The following DNAH11 variants were observed in gnomAD, a reference collection of about 807,000 sequenced individuals.
DNAH11 encodes dynein axonemal heavy chain 11.
A neutral mutation model predicts 526.0 loss-of-function variants in DNAH11; 442 were observed. The ratio of observed to expected loss-of-function variants is 0.84; its 90% CI spans 0.78 to 0.91. The LOEUF (loss-of-function observed/expected upper bound fraction) is 0.91. Among genes scored for constraint, DNAH11 ranks in the 40% least tolerant of loss-of-function variants. The probability of loss-of-function intolerance (pLI) is 0.00; values close to 1 mark genes in which losing one functional copy is unlikely to be tolerated. For synonymous variants in DNAH11, 2,461 were observed against 1,935.9 expected (o/e 1.27, Z -7.12); for missense variants, 6,989 against 5,448.7 (o/e 1.28, Z -8.90).
chr7:21,655,502 C>T (rs1036880807), intron 28 of DNAH11, among the ~76,000 whole-genome samples: 2 of 152,144 alleles, frequency 1.3e-5, no homozygotes, highest in Admixed American at 6.5e-5. Context: ...AACTTTACTA[C>T]AGAAGCCCCA....
chr7:21,664,913 G>T (rs575254936), intron 30 of DNAH11, among the ~76,000 whole-genome samples: 1 of 152,182 alleles, frequency 6.6e-6, no homozygotes, highest in East Asian at 1.9e-4. Flanking sequence ...CAACTGAAAT[G>T]GGAACATTTC....
chr7:21,854,744 C>T (rs1188150587), intron 68 of DNAH11, among the ~76,000 whole-genome samples: 8 of 151,462 alleles, frequency 5.3e-5, no homozygotes. Context: ...GGTTTTGCCA[C>T]ATTGCCCAGG....
At chr7:21,706,702 A>G (rs1784276585) in intron 39 of DNAH11, among the ~76,000 whole-genome samples, 1 of 152,194 alleles carries the variant, frequency 6.6e-6, no homozygotes, top group Admixed American at 6.5e-5. Flanking sequence ...CTCAACAGGT[A>G]CGTAACCCGA....
At chr7:21,677,484 C>T (rs538468696) in intron 30 of DNAH11, among the ~76,000 whole-genome samples, 31 of 152,218 alleles carry the variant, frequency 2.0e-4, no homozygotes, top group African/African-American at 6.7e-4. Context: ...CAGAGTCAAG[C>T]GATTCTCCTG....
chr7:21,666,067 G>A (rs1368618607), intron 30 of DNAH11, among the ~76,000 whole-genome samples: 2 of 152,072 alleles, frequency 1.3e-5, no homozygotes, highest in African/African-American at 4.8e-5. Context: ...TGGTATCAGA[G>A]TTGTGTATAA....
intron 30 of DNAH11, among the ~76,000 whole-genome samples, chr7:21,662,887 A>G (rs534350381): frequency 6.6e-6 from 1 of 152,204 alleles, no homozygotes; most frequent in African/African-American, 2.4e-5. Context: ...ACCTGCGTTG[A>G]ATTCGTAATG....
intron 30 of DNAH11, among the ~76,000 whole-genome samples, chr7:21,672,587 T>C (rs907600318): frequency 3.4e-4 from 52 of 152,198 alleles, no homozygotes; most frequent in African/African-American, 1.2e-3. Flanking sequence ...AAATCTGACC[T>C]CCAGATCTCA....
rs1277063931 is a variant in DNAH11, at chr7:21,773,928, C to T, written c.9265C>T (p.Gln3089Ter). 2.5e-6 allele frequency: 4 copies of T among 1,582,244 alleles called. No individual in the cohort carries two copies. The African/African-American group carries it at 5.4e-5, about 21-fold the overall frequency. The change falls in exon 56 of 82, where the codon CAA becomes TAA. Residue 3089 changes from glutamine (Q) to a stop codon, truncating the protein, a stop_gained. Transcript: ENST00000409508. LOFTEE classifies it high-confidence loss of function. ...GTTTAAGAACCTGTTGAAGAAGAAG[C>T]AAAATGAGGTATCCGAGAAAAAAGA... The part of the protein sequence containing the change: ...SLFKNLLKKK[Q>*]NEVSEKKERL...
intron 65 of DNAH11, among the ~76,000 whole-genome samples, chr7:21,818,768 G>A (rs1226612012): frequency 6.6e-6 from 1 of 152,054 alleles, no homozygotes; most frequent in Admixed American, 6.6e-5. Context: ...TACTGTGCTA[G>A]CTCTGTTTTT....
rs17144853 is a variant in DNAH11 at position 21,641,560 on chromosome 7, T to C, written c.4944+2495T>C. 8.0e-3 allele frequency among the ~76,000 whole-genome samples: 1,216 copies of C among 152,328 alleles called. 43 individuals carry two copies. The highest frequency in any genetic ancestry group is 0.076 in the South Asian group (369 of 4,826). ...TAGAGGAAAAGATCACTCAATGAATTCTTGTCACCAACTCTGTTCACCCTC... is the reference window on the plus strand; with the variant it reads ...TAGAGGAAAAGATCACTCAATGAATCCTTGTCACCAACTCTGTTCACCCTC... On this transcript the variant is annotated intron_variant, in intron 28 of 81. Coordinates refer to ENST00000409508, the MANE Select transcript of DNAH11 (RefSeq NM_001277115.2).
At chr7:21,587,964 A>G in intron 9 of DNAH11, 100 bp from the exon 10 acceptor site, 2 of 1,154,152 alleles carry the variant, frequency 1.7e-6, no homozygotes, top group Non-Finnish European at 2.4e-6. Context: ...TTAAGATTCT[A>G]AACTTTAGTC....
At chr7:21,560,958 A>G in intron 4 of DNAH11, 113 bp from the exon 5 acceptor site, 1 of 734,998 alleles carries the variant, frequency 1.4e-6, no homozygotes, top group Non-Finnish European at 2.2e-6. Context: ...TTGAGTGTTA[A>G]ATACTGTATC....
chr7:21,738,564 T>A, intron 46 of DNAH11, 137 bp from the exon 47 acceptor site: 2 of 812,852 alleles, frequency 2.5e-6, no homozygotes, highest in South Asian at 2.0e-5. Flanking sequence ...ATCCCGGGTC[T>A]CTTAACCTAT....
At chr7:21,691,518 C>T (rs564705252) in intron 35 of DNAH11, among the ~76,000 whole-genome samples, 2 of 152,078 alleles carry the variant, frequency 1.3e-5, no homozygotes, top group South Asian at 2.1e-4. Context: ...CCCTGAGGGC[C>T]CTGGTCCAGA....
At chr7:21,629,921 T>C (rs1476949115) in intron 25 of DNAH11, among the ~76,000 whole-genome samples, 1 of 152,086 alleles carries the variant, frequency 6.6e-6, no homozygotes, top group African/African-American at 2.4e-5. Flanking sequence ...TTATGGTGAG[T>C]GTTGTTATTA....
intron 65 of DNAH11, among the ~76,000 whole-genome samples, chr7:21,836,930 G>A (rs1267574681): frequency 6.6e-6 from 1 of 152,002 alleles, no homozygotes; most frequent in Non-Finnish European, 1.5e-5. Context: ...TCTAAAACAG[G>A]CAAAGGACTT....
intron 73 of DNAH11, among the ~76,000 whole-genome samples, 166 bp from the exon 74 acceptor site, chr7:21,873,108 G>A (rs1359891103): frequency 6.7e-6 from 1 of 148,184 alleles, no homozygotes; most frequent in Non-Finnish European, 1.5e-5. Flanking sequence ...TTTTTTTGAT[G>A]TATTGATGTA....
At chr7:21,870,423 C>T (rs780935291) in intron 73 of DNAH11, among the ~76,000 whole-genome samples, 5 of 152,144 alleles carry the variant, frequency 3.3e-5, no homozygotes, top group Non-Finnish European at 2.9e-5. Context: ...TTAATAGAGA[C>T]CTTTGTAAGG....
At chr7:21,617,820 G>A (rs1785852759) in intron 23 of DNAH11, 43 bp downstream of exon 23, 1 of 1,506,308 alleles carries the variant, frequency 6.6e-7, no homozygotes, top group African/African-American at 1.4e-5. Flanking sequence ...TTATGACTGT[G>A]AAGTGTTACT....
Sources: allele counts gnomAD v4.1 joint callset (sites outside exome capture counted in the v4.1 genomes callset), GRCh38; gene constraint gnomAD v4.1.1; transcripts MANE v1.5; gene names NCBI Gene and HGNC (gene_info 2026-07-23, HGNC 2026-07-21).